The following CABIN1 variants were observed in gnomAD, a reference collection of about 807,000 sequenced individuals.
The protein encoded by CABIN1 is calcineurin binding protein 1, also known as calcineurin-binding protein cabin-1.
Under a neutral mutation model 227.7 loss-of-function variants are expected in CABIN1, and 133 were observed. That is an observed-to-expected ratio of 0.58 (90% CI 0.51 to 0.67). CABIN1 has a LOEUF of 0.67. Among genes scored for constraint, CABIN1 ranks in the 30% least tolerant of loss-of-function variants. CABIN1 has a pLI of 0.00. For synonymous variants in CABIN1, 1,086 were observed against 1,155.1 expected, an observed-to-expected ratio of 0.94 and a Z score of 1.21; for missense variants, 2,408 against 2,852.5, an observed-to-expected ratio of 0.84 and a Z score of 3.55.
intron 29 of CABIN1, among the ~76,000 whole-genome samples, chr22:24,157,080 A>G (rs1443336528): frequency 6.6e-6 from 1 of 152,136 alleles, no homozygotes; most frequent in Non-Finnish European, 1.5e-5. Context: ...GGTGGGGTGT[A>G]GGAGTGGGCG....
In CABIN1 at chr22:24,164,519, G is replaced by T; in HGVS notation, c.4866G>T (p.Leu1622=). ...CCCAGCTGCGGGACCACAGCACCCT[G>T]CTGAAGGTGTCCTCCATGCTTCAGC... The part of the protein sequence containing the change: ...VLAQLRDHST[L]LKVSSMLQRT... Residue 1622 remains leucine, a synonymous_variant, in exon 30 of 37, where the codon CTG becomes CTT. Coordinates refer to ENST00000263119, the MANE Select transcript of CABIN1 (RefSeq NM_012295.4). The T allele has an allele frequency of 6.2e-7, 1 of 1,605,976 alleles. No homozygotes were observed. The highest frequency in any genetic ancestry group is 8.5e-7 in the Non-Finnish European group (1 of 1,179,966).
At chr22:24,082,269 T>C (rs1453639692) in intron 19 of CABIN1, among the ~76,000 whole-genome samples, 2 of 152,038 alleles carry the variant, frequency 1.3e-5, no homozygotes, top group African/African-American at 2.4e-5. Context: ...TTTAAATTTT[T>C]TGTAGAGACA....
At chr22:24,120,014 G>A (rs1376213089) in intron 28 of CABIN1, among the ~76,000 whole-genome samples, 2 of 152,182 alleles carry the variant, frequency 1.3e-5, no homozygotes, top group East Asian at 1.9e-4. Context: ...GGGCTGTGCA[G>A]CAACTCAAAC....
At chr22:24,113,517 G>A (rs772759620) in intron 26 of CABIN1, 49 bp from the exon 27 acceptor site, 2 of 1,558,684 alleles carry the variant, frequency 1.3e-6, no homozygotes, top group East Asian at 2.2e-5. Context: ...CTGTGTTGGA[G>A]GTGGTGTAGG....
At chr22:24,118,577 G>A (rs2043216247) in intron 27 of CABIN1, among the ~76,000 whole-genome samples, 1 of 152,154 alleles carries the variant, frequency 6.6e-6, no homozygotes, top group Non-Finnish European at 1.5e-5. Flanking sequence ...CCGTGCTCCT[G>A]AGTGCCTAAG....
chr22:24,042,954 T>G lies in CABIN1; in HGVS notation c.396T>G (p.His132Gln). ...TDVNLWYKIG[H>Q]VALRLIRIPL... is the part of the protein sequence containing the mutation. Reference sequence around the variant, plus strand: ...TCAACCTCTGGTATAAGATTGGACATGTGGCCCTGAGGCTCATCCGGATCC... The same window carrying G: ...TCAACCTCTGGTATAAGATTGGACAGGTGGCCCTGAGGCTCATCCGGATCC... The change falls in exon 6 of 37, where the codon CAT becomes CAG. Residue 132 changes from histidine (H) to glutamine (Q), a missense_variant. Coordinates refer to ENST00000263119, the MANE Select transcript of CABIN1 (RefSeq NM_012295.4). 6.2e-7 allele frequency: 1 copy of G among 1,613,026 alleles called. No individual in the cohort carries two copies. Among genetic ancestry groups the G allele is most frequent in the Non-Finnish European group, 8.5e-7 (1 of 1,179,630 alleles).
At chr22:24,045,454 C>A (rs542402055) in intron 6 of CABIN1, among the ~76,000 whole-genome samples, 6 of 142,330 alleles carry the variant, frequency 4.2e-5, no homozygotes, top group African/African-American at 1.5e-4. Flanking sequence ...TTTAAAAATA[C>A]TTTTTTTTTT....
intron 15 of CABIN1, among the ~76,000 whole-genome samples, chr22:24,065,410 C>T (rs1335506138): frequency 0.045 from 6,782 of 149,376 alleles, 293 homozygotes; most frequent in African/African-American, 0.11. Flanking sequence ...CCAGATGGGG[C>T]GGCGGGGCAG....
Position 24,171,842 on chromosome 22 carries a change from C to A in CABIN1, c.5887C>A (p.His1963Asn), listed in dbSNP as rs772645349. The A allele has an allele frequency of 5.0e-6, 8 of 1,614,026 alleles. No homozygotes were observed. The Admixed American group carries it at 1.3e-4, about 27-fold the overall frequency. Reference sequence around the variant, plus strand: ...CTCTGTCCAGCGGCCCAGTGATGCTCACACCAAGCCTCGCCCTGCACTAGC... The same window carrying A: ...CTCTGTCCAGCGGCCCAGTGATGCTAACACCAAGCCTCGCCCTGCACTAGC... Reference protein sequence around the residue: ...ADSVQRPSDAHTKPRPALAAA... With the variant: ...ADSVQRPSDANTKPRPALAAA... Residue 1963 changes from histidine (H) to asparagine (N), a missense_variant, in exon 34 of 37, where the codon CAC becomes AAC. By Grantham distance (68) the His-to-Asn change is moderately conservative. Coordinates refer to ENST00000263119, the MANE Select transcript of CABIN1 (RefSeq NM_012295.4).
At chr22:24,055,388 G>T (rs2038711406) in intron 9 of CABIN1, among the ~76,000 whole-genome samples, 1 of 152,246 alleles carries the variant, frequency 6.6e-6, no homozygotes, top group South Asian at 2.1e-4. Context: ...GGAGGACGGG[G>T]GATCAGGGAT....
At chr22:24,028,433 T>C (rs529296914) in intron 1 of CABIN1, among the ~76,000 whole-genome samples, 1 of 152,364 alleles carries the variant, frequency 6.6e-6, no homozygotes, top group South Asian at 2.1e-4. Flanking sequence ...CAGTGAGCCA[T>C]GTCTCTGCAG....
At chr22:24,025,306 A>G (rs1340952996) in intron 1 of CABIN1, among the ~76,000 whole-genome samples, 2 of 152,176 alleles carry the variant, frequency 1.3e-5, no homozygotes, top group Non-Finnish European at 2.9e-5. Context: ...GTGACCTGAC[A>G]ACGATTTCCT....
Position 24,120,635 on chromosome 22 carries a change from A to G in CABIN1, c.4632+937A>G, listed in dbSNP as rs2043353994. The stretch of plus-strand genomic sequence containing the variant: ...TCAGGAGTTGAAGACCAACCTGGTG[A>G]ATCCCCGTCTCTACTAAAAATACAA... On this transcript the variant is annotated intron_variant, in intron 28 of 36. Coordinates refer to ENST00000263119, the MANE Select transcript of CABIN1 (RefSeq NM_012295.4). 2.0e-5 allele frequency among the ~76,000 whole-genome samples: 3 copies of G among 152,082 alleles called. No homozygotes were observed. In the South Asian group the frequency reaches 6.2e-4, roughly 32 times the overall value.
rs368400976 is a variant in CABIN1 at position 24,084,061 on chromosome 22, T to C, written c.2911-518T>C. On this transcript the variant is annotated intron_variant, in intron 20 of 36. Transcript: ENST00000263119. ...GAGTCAGCTCTCCTTCAATATTTTG[T>C]CTACCAAGTGGAGAGGGTCTGTGGC... is the stretch of plus-strand genomic sequence containing the variant. Among the ~76,000 whole-genome samples the C allele has an allele frequency of 6.1e-4, 93 of 152,296 alleles. 2 individuals carry two copies. In the South Asian group the frequency reaches 0.018, roughly 30 times the overall value.
intron 28 of CABIN1, among the ~76,000 whole-genome samples, chr22:24,122,547 A>G (rs1207479769): frequency 6.6e-6 from 1 of 152,132 alleles, no homozygotes; most frequent in Non-Finnish European, 1.5e-5. Context: ...GTCTATACTA[A>G]AAATACAAAA....
At chr22:24,083,906 G>C (rs993568829) in intron 20 of CABIN1, among the ~76,000 whole-genome samples, 3 of 152,210 alleles carry the variant, frequency 2.0e-5, no homozygotes, top group African/African-American at 7.2e-5. Context: ...GAGCGCTATT[G>C]AGTGTATTAT....
At chr22:24,165,953 A>G (rs1267762046) in intron 31 of CABIN1, among the ~76,000 whole-genome samples, 1 of 152,184 alleles carries the variant, frequency 6.6e-6, no homozygotes, top group Non-Finnish European at 1.5e-5. Flanking sequence ...GCCTATGAGA[A>G]CACCATGTGT....
intron 8 of CABIN1, among the ~76,000 whole-genome samples, chr22:24,053,817 C>T (rs565705629): frequency 5.3e-4 from 81 of 152,180 alleles, no homozygotes; most frequent in African/African-American, 2.0e-3. Context: ...ATCAGTCACC[C>T]AGAGAAAGCA....
chr22:24,044,102 C>G (rs1377163014), intron 6 of CABIN1, among the ~76,000 whole-genome samples: 1 of 152,136 alleles, frequency 6.6e-6, no homozygotes, highest in South Asian at 2.1e-4. Flanking sequence ...AGGGACAAGC[C>G]CCACCCTTTT....
Sources: allele counts gnomAD v4.1 joint callset (sites outside exome capture counted in the v4.1 genomes callset), GRCh38; gene constraint gnomAD v4.1.1; transcripts MANE v1.5; gene names NCBI Gene and HGNC (gene_info 2026-07-23, HGNC 2026-07-21).